The following KY variants were observed in gnomAD, a reference collection of about 807,000 sequenced individuals.
KY encodes kyphoscoliosis peptidase.
KY carries 43 observed loss-of-function variants against 76.1 expected under a neutral mutation model. The ratio of observed to expected loss-of-function variants is 0.57; its 90% CI spans 0.44 to 0.73. The LOEUF (loss-of-function observed/expected upper bound fraction) is 0.73. Among genes scored for constraint, KY ranks in the 30% least tolerant of loss-of-function variants. KY has a pLI of 0.00. For synonymous variants in KY, 277 were observed against 326.2 expected (o/e 0.85, Z 1.63); for missense variants, 722 against 828.9 (o/e 0.87, Z 1.58).
intron 10 of KY, among the ~76,000 whole-genome samples, chr3:134,606,830 C>T (rs1959255195): frequency 6.6e-6 from 1 of 151,792 alleles, no homozygotes; most frequent in Non-Finnish European, 1.5e-5. Context: ...CTCCTCCTCC[C>T]CTCTCCCCTC....
At position 134,620,816 on chromosome 3, in the gene KY, C is replaced by T. The variant is rs1421989518; in HGVS notation, c.525G>A (p.Leu175=). The part of the protein sequence containing the change: ...KSGLDELVSD[L]LQEAHTDLER... ...CCAGGTCAGTGTGGGCCTCCTGGAG[C>T]AGGTCACTCACCAGTTCGTCTAGGC... Residue 175 remains leucine (L), a synonymous_variant, in exon 7 of 11, where the codon CTG becomes CTA. Coordinates refer to ENST00000423778, the MANE Select transcript of KY (RefSeq NM_178554.6). The T allele has an allele frequency of 2.5e-6, 4 of 1,613,292 alleles. No individual in the cohort carries two copies. The highest frequency in any genetic ancestry group is 3.4e-6 in the Non-Finnish European group (4 of 1,179,666).
chr3:134,642,981 G>A (rs1965944712), intron 3 of KY, among the ~76,000 whole-genome samples: 1 of 152,208 alleles, frequency 6.6e-6, no homozygotes, highest in African/African-American at 2.4e-5. Context: ...GTGCATAAGT[G>A]GCTTGGCAGG....
intron 7 of KY, among the ~76,000 whole-genome samples, chr3:134,620,261 G>A (rs959102020): frequency 1.3e-5 from 2 of 152,198 alleles, no homozygotes; most frequent in Non-Finnish European, 2.9e-5. Context: ...TGGAGACTGC[G>A]CTGGGACCAG....
At chr3:134,641,925 ATC>A (rs1446242698) in intron 3 of KY, among the ~76,000 whole-genome samples, 1 of 152,186 alleles carries the variant, frequency 6.6e-6, no homozygotes, top group Non-Finnish European at 1.5e-5. Context: ...ATAGCCAGAT[ATC>A]TCTGAGTCCT....
At chr3:134,605,037 T>C (rs1168714292) in intron 10 of KY, among the ~76,000 whole-genome samples, 1 of 150,580 alleles carries the variant, frequency 6.6e-6, no homozygotes, top group Non-Finnish European at 1.5e-5. Context: ...GCTTCTCACA[T>C]AGGTGTATCT....
rs1958959565 is a variant in KY at position 134,601,441 on chromosome 3, C to G, written c.*2138G>C. 6.6e-6 allele frequency among the ~76,000 whole-genome samples: 1 copy of G among 152,180 alleles called. No individual in the cohort carries two copies. The highest frequency in any genetic ancestry group is 2.4e-5 in the African/African-American group (1 of 41,446). On this transcript the variant is annotated 3_prime_UTR_variant, in exon 11 of 11. Transcript: ENST00000423778. ...GCAGGACTAAGCGAGGCAGCCAGCG[C>G]GGGGTCCAGTGAGTGACATGCGTCA...
intron 8 of KY, chr3:134,615,524 A>G (rs970085578): frequency 6.6e-5 from 10 of 151,474 alleles, no homozygotes; most frequent in Admixed American, 6.6e-4. Context: ...CATGTGCACA[A>G]TGTTGCACCA....
At chr3:134,628,180 A>G in intron 4 of KY, 1 of 270,736 alleles carries the variant, frequency 3.7e-6, no homozygotes, top group African/African-American at 2.2e-5. Context: ...CTGCCAGATA[A>G]TGCCGGGATA....
At chr3:134,619,082 A>G (rs1962111274) in intron 8 of KY, 66 bp downstream of exon 8, 12 of 1,331,712 alleles carry the variant, frequency 9.0e-6, no homozygotes, top group Non-Finnish European at 1.3e-5. Flanking sequence ...GCAAAGGCAC[A>G]TGGCACTGTG....
chr3:134,627,948 T>G, intron 4 of KY, 130 bp from the exon 5 acceptor site: 2 of 709,854 alleles, frequency 2.8e-6, no homozygotes, highest in Non-Finnish European at 5.0e-6. Flanking sequence ...AGTCTCCTTG[T>G]TCCCACCCCA....
chr3:134,607,908 G>A (rs1959529297), intron 10 of KY: 9 of 991,816 alleles, frequency 9.1e-6, no homozygotes, highest in Non-Finnish European at 1.1e-5. Flanking sequence ...TCATCCAGGG[G>A]TGCCTGAGTT....
Position 134,648,248 on chromosome 3 carries a change from T to C in KY, c.137-751A>G, listed in dbSNP as rs369047308. On this transcript the variant is annotated intron_variant, in intron 1 of 10. Coordinates refer to ENST00000423778, the MANE Select transcript of KY (RefSeq NM_178554.6). ...CACTAGACCAGCTCGTTGGTGCTGC[T>C]TACGGTACTGTTCCTGGAAGCTCAG... Among the ~76,000 whole-genome samples the C allele has an allele frequency of 8.5e-5, 13 of 152,336 alleles. No individual in the cohort carries two copies. In the East Asian group the frequency reaches 2.3e-3, roughly 27 times the overall value.
chr3:134,606,900 TC>T, intron 10 of KY: 1 of 984,858 alleles, frequency 1.0e-6, no homozygotes, highest in South Asian at 4.7e-5. Context: ...CCCTCTTCCT[TC>T]CCTTCCTTTC....
Position 134,647,478 on chromosome 3 carries a change from A to T in KY, c.156T>A (p.Asn52Lys), listed in dbSNP as rs375687334. 10 of 1,611,784 alleles carry T rather than the reference A, an allele frequency of 6.2e-6. No homozygotes were observed. The African/African-American group carries it at 1.3e-4, about 21-fold the overall frequency. The stretch of plus-strand genomic sequence containing the variant: ...CTAATTTCTGCCATCTTCGGACTCC[A>T]TTTCCAACACCTTGGAATCCTGCAA... ...QRGGGFQGVG[N>K]GVRRWQKLEG... Residue 52 changes from asparagine to lysine, a missense_variant, in exon 2 of 11, where the codon AAT (asparagine) becomes AAA (lysine). Transcript: ENST00000423778.
At chr3:134,643,433 C>T (rs1966018432) in intron 2 of KY, 55 bp from the exon 3 acceptor site, 1 of 1,479,476 alleles carries the variant, frequency 6.8e-7, no homozygotes, top group African/African-American at 1.4e-5. Context: ...TTTCCCCAGG[C>T]AGAGCAAAGA....
rs139767910 is a variant in KY at position 134,620,172 on chromosome 3, G to A, written c.592+577C>T. ...CCACCTCTGCAGCTCTGCTTGACCC[G>A]GGAGCTTCCCAAGGCCATCCTGTGG... On this transcript the variant is annotated intron_variant, in intron 7 of 10. Transcript: ENST00000423778. Among the ~76,000 whole-genome samples, 46 of 152,186 alleles carry A rather than the reference G, an allele frequency of 3.0e-4. No individual in the cohort carries two copies. The East Asian group carries it at 7.4e-3, about 24-fold the overall frequency.
At chr3:134,620,496 T>A (rs1467141572) in intron 7 of KY, among the ~76,000 whole-genome samples, 1 of 152,162 alleles carries the variant, frequency 6.6e-6, no homozygotes, top group Non-Finnish European at 1.5e-5. Context: ...TGGATGAAGT[T>A]TCCAGCTCTG....
chr3:134,650,850 C>T lies in KY; in HGVS notation c.111G>A (p.Pro37=). ...QGTLSDQQAN[P]SSLLQRGGGF... ...CTCCTCCGCGCTGCAGCAGCGAGCT[C>T]GGGTTCGCCTGCTGGTCTGAGAGCG... Residue 37 remains proline, a synonymous_variant, in exon 1 of 11, where the codon CCG becomes CCA. Transcript: ENST00000423778. 1.2e-6 allele frequency: 2 copies of T among 1,606,868 alleles called. No individual in the cohort carries two copies. The highest frequency in any genetic ancestry group is 1.7e-6 in the Non-Finnish European group (2 of 1,176,158).
At chr3:134,644,688 C>G (rs1481881617) in intron 2 of KY, among the ~76,000 whole-genome samples, 3 of 152,232 alleles carry the variant, frequency 2.0e-5, no homozygotes, top group Non-Finnish European at 4.4e-5. Context: ...GATGATTCTT[C>G]TTGTGCAGAT....
Sources: allele counts gnomAD v4.1 joint callset (sites outside exome capture counted in the v4.1 genomes callset), GRCh38; gene constraint gnomAD v4.1.1; transcripts MANE v1.5; gene names NCBI Gene and HGNC (gene_info 2026-07-23, HGNC 2026-07-21).